Variants in PPARGC1A observed in about 807,000 individuals in gnomAD.
The protein encoded by PPARGC1A is peroxisome proliferator-activated receptor gamma coactivator 1-alpha.
In PPARGC1A, 25 loss-of-function variants were observed where a neutral mutation model predicts 88.7. That is an observed-to-expected ratio of 0.28 (90% confidence interval 0.21 to 0.39). The LOEUF is 0.39. Ranked by LOEUF, PPARGC1A falls within the 10% of genes least tolerant of loss-of-function variation. The pLI, the probability that PPARGC1A is intolerant of heterozygous loss-of-function variation, is 1.00. For missense variants in PPARGC1A, 880 were observed against 968.7 expected, an observed-to-expected ratio of 0.91 and a Z score of 1.22; for synonymous variants, 363 against 355.6, an observed-to-expected ratio of 1.02 and a Z score of -0.24.
the PPARGC1A span, among the ~76,000 whole-genome samples, chr4:24,054,118 T>C: frequency 1.5e-4 from 23 of 152,224 alleles, no homozygotes; most frequent in African/African-American, 5.5e-4. Flanking sequence ...AAATCTCTAA[T>C]GGAAAAAGGA....
the PPARGC1A span, among the ~76,000 whole-genome samples, chr4:24,250,944 C>T: frequency 6.6e-6 from 1 of 152,240 alleles, no homozygotes; most frequent in Admixed American, 6.5e-5. Context: ...CTTCCACTGT[C>T]CCAGAACTTC....
chr4:24,150,280 A>G, the PPARGC1A span, among the ~76,000 whole-genome samples: 1 of 152,182 alleles, frequency 6.6e-6, no homozygotes, highest in Non-Finnish European at 1.5e-5. Context: ...GGGATTTGCA[A>G]TGCAGAAAGG....
the PPARGC1A span, among the ~76,000 whole-genome samples, chr4:24,467,030 G>GAAAGAAAGAAAGAAAGAAAC: frequency 1.3e-5 from 1 of 74,410 alleles, no homozygotes; most frequent in Non-Finnish European, 3.0e-5. Context: ...AAGAAAGAAA[G>GAAAGAAAGAAAGAAAGAAAC]AGAAAGAGAG....
the PPARGC1A span, among the ~76,000 whole-genome samples, chr4:23,917,564 C>A: frequency 6.6e-6 from 1 of 151,396 alleles, no homozygotes; most frequent in East Asian, 2.0e-4. Context: ...ACCTCGTGAT[C>A]TGCCTGCCTC....
At chr4:24,371,768 C>T in the PPARGC1A span, among the ~76,000 whole-genome samples, 9 of 146,474 alleles carry the variant, frequency 6.1e-5, no homozygotes, top group East Asian at 4.0e-4. Flanking sequence ...TGATGAAACC[C>T]CATCTCCACA....
the PPARGC1A span, among the ~76,000 whole-genome samples, chr4:24,353,387 TAA>T: frequency 1.3e-4 from 19 of 141,658 alleles, no homozygotes; most frequent in Admixed American, 2.8e-4. Context: ...TCTGTGGGCT[TAA>T]AAAAAAAAAA....
the PPARGC1A span, among the ~76,000 whole-genome samples, chr4:24,255,764 T>C: frequency 3.3e-5 from 5 of 152,180 alleles, no homozygotes; most frequent in African/African-American, 2.4e-5. Context: ...TGGACCCAAT[T>C]GCCTGGTATT....
the PPARGC1A span, among the ~76,000 whole-genome samples, chr4:24,450,149 G>T: frequency 6.6e-6 from 1 of 152,326 alleles, no homozygotes; most frequent in Non-Finnish European, 1.5e-5. Context: ...AAATGACTGG[G>T]TCAAGTGGAC....
At chr4:24,424,860 C>T in the PPARGC1A span, among the ~76,000 whole-genome samples, 1 of 152,206 alleles carries the variant, frequency 6.6e-6, no homozygotes, top group East Asian at 1.9e-4. Context: ...GCCGTTGACA[C>T]CTGCTGGGAA....
chr4:24,090,283 T>C, the PPARGC1A span, among the ~76,000 whole-genome samples: 1 of 152,226 alleles, frequency 6.6e-6, no homozygotes, highest in Non-Finnish European at 1.5e-5. Flanking sequence ...TTATTTTGTA[T>C]CCTTTTCTAC....
At chr4:24,085,025 G>C in the PPARGC1A span, among the ~76,000 whole-genome samples, 3 of 152,174 alleles carry the variant, frequency 2.0e-5, no homozygotes, top group Admixed American at 6.5e-5. Context: ...CTTGATGGAT[G>C]ACAGTATCTT....
the PPARGC1A span, among the ~76,000 whole-genome samples, chr4:24,193,840 C>A: frequency 1.3e-5 from 2 of 152,022 alleles, no homozygotes; most frequent in Non-Finnish European, 2.9e-5. Flanking sequence ...CAAGAGTACA[C>A]CAATGGGGCC....
At chr4:24,171,328 C>T in the PPARGC1A span, among the ~76,000 whole-genome samples, 1 of 152,030 alleles carries the variant, frequency 6.6e-6, no homozygotes, top group African/African-American at 2.4e-5. Context: ...ATCCCTTGAA[C>T]CCAGGAGGCA....
At chr4:23,877,204 T>C (rs1714879603) in intron 2 of PPARGC1A, among the ~76,000 whole-genome samples, 1 of 151,932 alleles carries the variant, frequency 6.6e-6, no homozygotes, top group South Asian at 2.1e-4. Context: ...CAAACGTACC[T>C]CTGAGCGCAC....
the PPARGC1A span, among the ~76,000 whole-genome samples, chr4:24,223,398 C>T: frequency 8.6e-5 from 13 of 151,818 alleles, no homozygotes; most frequent in African/African-American, 1.9e-4. Context: ...TACAGGCATC[C>T]GCAACCATAC....
At chr4:24,394,535 A>G in the PPARGC1A span, among the ~76,000 whole-genome samples, 45,063 of 152,228 alleles carry the variant, frequency 0.3, 7,253 homozygotes, top group African/African-American at 0.44. Context: ...AGAGAAGAGA[A>G]GAAAAGCTAA....
chr4:24,462,421 C>T, the PPARGC1A span, among the ~76,000 whole-genome samples: 7 of 152,006 alleles, frequency 4.6e-5, no homozygotes, highest in South Asian at 1.5e-3. Flanking sequence ...GTCCTTGATG[C>T]TCCTCTCTCC....
chr4:24,208,115 G>C, the PPARGC1A span, among the ~76,000 whole-genome samples: 7 of 151,092 alleles, frequency 4.6e-5, no homozygotes, highest in Non-Finnish European at 1.0e-4. Context: ...CCTCTCTCTA[G>C]AAAAAAAAAT....
the PPARGC1A span, among the ~76,000 whole-genome samples, chr4:24,321,733 G>T: frequency 6.6e-6 from 1 of 152,150 alleles, no homozygotes; most frequent in African/African-American, 2.4e-5. Context: ...GATGGACGTT[G>T]GTTGCTATTC....
Sources: allele counts gnomAD v4.1 joint callset (sites outside exome capture counted in the v4.1 genomes callset), GRCh38; gene constraint gnomAD v4.1.1; transcripts MANE v1.5; gene names NCBI Gene and HGNC (gene_info 2026-07-23, HGNC 2026-07-21).